The following CDC45 variants were observed in gnomAD, a reference collection of about 807,000 sequenced individuals.
CDC45 encodes cell division cycle 45, also known as cell division control protein 45 homolog.
In CDC45, 54 loss-of-function variants were observed where a neutral mutation model predicts 77.8. The observed-to-expected ratio is 0.69, with a 90% CI of 0.56 to 0.87. CDC45 has a LOEUF of 0.87. CDC45 is among the 40% of genes least tolerant of loss of function. The pLI, the probability that CDC45 is intolerant of heterozygous loss-of-function variation, is 0.00. For missense variants in CDC45, 649 were observed against 721.6 expected (o/e 0.90, Z 1.15); for synonymous variants, 260 against 272.1 (o/e 0.96, Z 0.44).
In CDC45 at chr22:19,514,853, C is replaced by G; in HGVS notation, c.1322C>G (p.Ser441Cys). The change falls in exon 14 of 19, where the codon TCC (serine) becomes TGC (cysteine). Residue 441 changes from serine (S) to cysteine (C), a missense_variant. Physicochemically the swap from Ser to Cys is moderately radical, Grantham distance 112. Coordinates refer to ENST00000263201, the MANE Select transcript of CDC45 (RefSeq NM_003504.5). Reference protein sequence around the residue: ...ASCLCTNLVISQGPFLYCSLM... With the variant: ...ASCLCTNLVICQGPFLYCSLM... ...TGCCTTTGCACCAACCTCGTCATCT[C>G]CCAGGGGCCTTTCCTGTACTGCTCT... 1 of 1,614,246 alleles carries G rather than the reference C, an allele frequency of 6.2e-7. No homozygotes were observed. The highest frequency in any genetic ancestry group is 8.5e-7 in the Non-Finnish European group (1 of 1,180,048).
intron 6 of CDC45, among the ~76,000 whole-genome samples, chr22:19,494,774 C>CG (rs921968379): frequency 2.0e-5 from 3 of 152,164 alleles, no homozygotes; most frequent in African/African-American, 7.2e-5. Flanking sequence ...AGGTGGGTCC[C>CG]GGGGGAAGCC....
In CDC45 at chr22:19,497,392, A is replaced by G. The variant is rs754860216; in HGVS notation, c.598A>G (p.Met200Val). Residue 200 changes from methionine to valine, a missense_variant, in exon 8 of 19, where the codon ATG (methionine) becomes GTG (valine). Met to Val is a conservative substitution (Grantham distance 21). Transcript: ENST00000263201. The part of the protein sequence containing the change: ...QYEYHGTSSA[M>V]VMFELAWMLS... Reference sequence around the variant, plus strand: ...CTTCTCTGCTTCCTTACAGTCAGCCATGGTGATGTTTGAGCTGGCTTGGAT... The same window carrying G: ...CTTCTCTGCTTCCTTACAGTCAGCCGTGGTGATGTTTGAGCTGGCTTGGAT... 5 of 1,614,092 alleles carry G rather than the reference A, an allele frequency of 3.1e-6. No homozygotes were observed. The highest frequency in any genetic ancestry group is 3.4e-6 in the Non-Finnish European group (4 of 1,179,958).
intron 3 of CDC45, 142 bp downstream of exon 3, chr22:19,481,187 T>C (rs1420704677): frequency 3.5e-6 from 2 of 568,284 alleles, no homozygotes; most frequent in Non-Finnish European, 6.1e-6. Context: ...ACATGCTGTA[T>C]TTACTGGTGA....
intron 5 of CDC45, among the ~76,000 whole-genome samples, chr22:19,491,156 C>G (rs1190949384): frequency 6.6e-6 from 1 of 152,032 alleles, no homozygotes; most frequent in Non-Finnish European, 1.5e-5. Flanking sequence ...TTTACTCTGC[C>G]CCATTTATAA....
intron 4 of CDC45, among the ~76,000 whole-genome samples, chr22:19,483,536 C>T (rs1240156123): frequency 2.6e-5 from 4 of 152,160 alleles, no homozygotes; most frequent in Non-Finnish European, 5.9e-5. Flanking sequence ...AGACAGAGGC[C>T]AAGTTGTGGG....
intron 9 of CDC45, among the ~76,000 whole-genome samples, chr22:19,503,996 A>G (rs905645868): frequency 1.3e-5 from 2 of 152,364 alleles, no homozygotes; most frequent in East Asian, 1.9e-4. Context: ...ATATAGTTCA[A>G]TGGAACCCAG....
intron 5 of CDC45, among the ~76,000 whole-genome samples, chr22:19,492,937 C>T (rs185836168): frequency 7.9e-5 from 12 of 152,276 alleles, no homozygotes; most frequent in Admixed American, 5.9e-4. Context: ...TGGGTTCTCC[C>T]ACCATTGGTT....
intron 9 of CDC45, among the ~76,000 whole-genome samples, chr22:19,501,135 G>A (rs965318656): frequency 7.9e-5 from 12 of 152,226 alleles, no homozygotes; most frequent in East Asian, 7.7e-4. Flanking sequence ...AGCTGAGATC[G>A]TGCCACTGCA....
Position 19,515,003 on chromosome 22 carries a change from C to G in CDC45, c.1395C>G (p.Ser465=), listed in dbSNP as rs1933703850. ...TCATGCTGTTCTCTAGGCCGGCATC[C>G]CTAAGCCTGCTCAGCAAACACCTGC... ...PDVMLFSRPA[S]LSLLSKHLLK... The change falls in exon 15 of 19, where the codon TCC becomes TCG. Residue 465 remains serine (S), a synonymous_variant. Transcript: ENST00000263201. 6.2e-7 allele frequency: 1 copy of G among 1,613,866 alleles called. No homozygotes were observed. The highest frequency in any genetic ancestry group is 1.3e-5 in the African/African-American group (1 of 75,022).
At chr22:19,486,576 T>G (rs115661268) in intron 5 of CDC45, among the ~76,000 whole-genome samples, 2,069 of 152,320 alleles carry the variant, frequency 0.014, 55 homozygotes, top group African/African-American at 0.046. Context: ...ATCTGTAAAT[T>G]AGGTCTAGAG....
At chr22:19,495,119 A>G (rs2090219721) in intron 6 of CDC45, among the ~76,000 whole-genome samples, 1 of 152,212 alleles carries the variant, frequency 6.6e-6, no homozygotes, top group South Asian at 2.1e-4. Context: ...AGTGAAAATA[A>G]TCCATAATCA....
rs114120219 is a variant in CDC45 at position 19,519,854 on chromosome 22, G to A, written c.*2-627G>A. On this transcript the variant is annotated intron_variant, in intron 18 of 18. Transcript: ENST00000263201. ...GGGCTACATGGGGCCCATTTTGGGC[G>A]CGGGGCTCTGAGTCAGACCCTCGGG... Among the ~76,000 whole-genome samples the A allele has an allele frequency of 9.0e-4, 137 of 152,178 alleles. 2 individuals are homozygous for A. Among genetic ancestry groups the A allele is most frequent in the African/African-American group, 2.1e-3 (89 of 41,524 alleles).
intron 5 of CDC45, among the ~76,000 whole-genome samples, chr22:19,490,522 G>A (rs928522323): frequency 6.6e-6 from 1 of 151,780 alleles, no homozygotes; most frequent in Non-Finnish European, 1.5e-5. Flanking sequence ...CTACAGGCAC[G>A]TGCCACCACG....
intron 9 of CDC45, 73 bp downstream of exon 9, chr22:19,499,224 C>T: frequency 6.6e-7 from 1 of 1,526,472 alleles, no homozygotes; most frequent in South Asian, 1.1e-5. Context: ...ACCATAGCCA[C>T]TAAGTTTTTA....
At chr22:19,505,291 G>A (rs1028033733) in intron 9 of CDC45, 71 bp from the exon 10 acceptor site, 12 of 1,599,700 alleles carry the variant, frequency 7.5e-6, no homozygotes, top group Non-Finnish European at 1.0e-5. Flanking sequence ...AGCGGGAATG[G>A]AGCCTAGGCT....
At chr22:19,479,769 G>C, upstream of CDC45, 1 of 657,104 alleles carries the variant, frequency 1.5e-6, no homozygotes, top group East Asian at 2.7e-5. Flanking sequence ...GCGGGCTGGA[G>C]TTTTCTGGCC....
chr22:19,518,204 C>T (rs183293623), intron 17 of CDC45, among the ~76,000 whole-genome samples: 3 of 152,308 alleles, frequency 2.0e-5, no homozygotes, highest in Non-Finnish European at 4.4e-5. Flanking sequence ...TGCTTGGTTT[C>T]CCTGAGGGTG....
chr22:19,486,276 TAAG>T (rs2146341899), intron 5 of CDC45, among the ~76,000 whole-genome samples: 2 of 152,358 alleles, frequency 1.3e-5, no homozygotes, highest in East Asian at 3.9e-4. Flanking sequence ...TTGTCATACA[TAAG>T]AAATTAATAA....
intron 9 of CDC45, among the ~76,000 whole-genome samples, chr22:19,500,253 G>T (rs1017538521): frequency 3.3e-5 from 5 of 152,150 alleles, no homozygotes; most frequent in African/African-American, 1.2e-4. Flanking sequence ...CCTAGAGTGG[G>T]GTCTTCCTGC....
Sources: gnomAD v4.1 joint callset for allele counts (sites outside exome capture counted in the v4.1 genomes callset) on GRCh38, gnomAD v4.1.1 for gene constraint, MANE v1.5 for transcripts, NCBI Gene and HGNC (gene_info 2026-07-23, HGNC 2026-07-21) for gene names.